Variants in CCDC171 observed in about 807,000 individuals in gnomAD.
The protein encoded by CCDC171 is coiled-coil domain containing 171.
CCDC171 carries 177 observed loss-of-function variants against 168.2 expected under a neutral mutation model. The observed-to-expected ratio is 1.05, with a 90% CI of 0.93 to 1.19. The LOEUF is 1.19. CCDC171 is among the 50% of genes most tolerant of loss of function. The pLI is 0.00. For synonymous variants in CCDC171, 687 were observed against 540.8 expected, an observed-to-expected ratio of 1.27 and a Z score of -3.75; for missense variants, 1,991 against 1,539.0, an observed-to-expected ratio of 1.29 and a Z score of -4.91.
intron 7 of CCDC171, among the ~76,000 whole-genome samples, chr9:15,652,584 C>G (rs1294767622): frequency 6.6e-6 from 1 of 152,050 alleles, no homozygotes; most frequent in East Asian, 1.9e-4. Flanking sequence ...GTGGCCACCA[C>G]CACACTTGGC....
At chr9:15,607,848 G>T (rs139288001) in intron 6 of CCDC171, among the ~76,000 whole-genome samples, 1 of 152,070 alleles carries the variant, frequency 6.6e-6, no homozygotes, top group Non-Finnish European at 1.5e-5. Context: ...TATCTTGTGC[G>T]TGTGCCATAA....
chr9:15,780,981 G>A (rs1399658642), intron 20 of CCDC171, among the ~76,000 whole-genome samples: 2 of 152,096 alleles, frequency 1.3e-5, no homozygotes, highest in South Asian at 2.1e-4. Context: ...CATAGAAATA[G>A]TTGAATTTGG....
intron 1 of CCDC171, among the ~76,000 whole-genome samples, chr9:16,060,030 A>C (rs918478610): frequency 2.6e-5 from 4 of 152,218 alleles, no homozygotes; most frequent in African/African-American, 9.6e-5. Flanking sequence ...AAAACAAATA[A>C]AAAGCAACTG....
At chr9:15,581,577 A>G (rs2131285823) in intron 4 of CCDC171, among the ~76,000 whole-genome samples, 2 of 152,318 alleles carry the variant, frequency 1.3e-5, no homozygotes, top group African/African-American at 2.4e-5. Context: ...TGATACCAAA[A>G]CAGATATATA....
intron 1 of CCDC171, among the ~76,000 whole-genome samples, chr9:16,057,415 G>T (rs1451995541): frequency 2.0e-5 from 3 of 152,294 alleles, no homozygotes; most frequent in Non-Finnish European, 2.9e-5. Context: ...GCTGGTTTTG[G>T]TTAAGTTCTT....
chr9:15,765,874 C>T (rs1173578881), intron 18 of CCDC171, among the ~76,000 whole-genome samples: 2 of 152,078 alleles, frequency 1.3e-5, no homozygotes, highest in East Asian at 3.9e-4. Flanking sequence ...TGTGTTTTTG[C>T]ATATTTTGTG....
At chr9:15,742,077 C>CTT (rs5896677) in intron 16 of CCDC171, among the ~76,000 whole-genome samples, 2 of 151,694 alleles carry the variant, frequency 1.3e-5, no homozygotes, top group East Asian at 3.9e-4. Flanking sequence ...CTGTAATTTT[C>CTT]TTTTTTTTCT....
At chr9:15,726,378 A>T (rs546356447) in intron 14 of CCDC171, among the ~76,000 whole-genome samples, 1 of 152,216 alleles carries the variant, frequency 6.6e-6, no homozygotes, top group Admixed American at 6.5e-5. Context: ...TAGCGACACA[A>T]TGAATTATCC....
At chr9:15,627,071 C>G (rs1437661822) in intron 7 of CCDC171, among the ~76,000 whole-genome samples, 2 of 152,272 alleles carry the variant, frequency 1.3e-5, no homozygotes, top group South Asian at 2.1e-4. Context: ...AGGAATTTAT[C>G]CATTTCTTCT....
intron 14 of CCDC171, among the ~76,000 whole-genome samples, chr9:15,726,622 T>C (rs890587947): frequency 5.3e-5 from 8 of 152,192 alleles, no homozygotes; most frequent in Non-Finnish European, 1.0e-4. Flanking sequence ...ATTTTTAAAT[T>C]ATTACATTTG....
intron 23 of CCDC171, among the ~76,000 whole-genome samples, chr9:15,868,100 C>T (rs1268605445): frequency 6.6e-6 from 1 of 152,054 alleles, no homozygotes; most frequent in East Asian, 1.9e-4. Context: ...TGGGATGTAA[C>T]TATAATGTGT....
chr9:16,049,617 G>T lies in CCDC171; in HGVS notation n.89+6731G>T, dbSNP rs542027695. 1.1e-3 allele frequency among the ~76,000 whole-genome samples: 166 copies of T among 152,254 alleles called. 1 individual carries two copies. Among genetic ancestry groups the T allele is most frequent in the African/African-American group, 3.9e-3 (161 of 41,552 alleles). ...CACCAGCAGCACCCTGGGTCCTGAG[G>T]CTTTTGACCTTGGACTGAGAGATAC... On this transcript the variant is annotated intron_variant and non_coding_transcript_variant, in intron 1 of 1. Transcript: ENST00000478913.
chr9:15,974,470 A>G (rs993217784), downstream of CCDC171, among the ~76,000 whole-genome samples: 1 of 152,198 alleles, frequency 6.6e-6, no homozygotes, highest in South Asian at 2.1e-4. Flanking sequence ...ATTTTTGTAG[A>G]GGAAAGGAAG....
At chr9:15,564,862 A>G (rs1440261163) in intron 2 of CCDC171, among the ~76,000 whole-genome samples, 1 of 152,234 alleles carries the variant, frequency 6.6e-6, no homozygotes, top group Non-Finnish European at 1.5e-5. Context: ...TTGGGGTTGT[A>G]TTCTGTCTGT....
At chr9:16,055,841 A>G (rs973947851) in intron 1 of CCDC171, among the ~76,000 whole-genome samples, 1 of 152,270 alleles carries the variant, frequency 6.6e-6, no homozygotes, top group Non-Finnish European at 1.5e-5. Flanking sequence ...GAACTATTGC[A>G]GAATGCAGTA....
At position 15,815,480 on chromosome 9, in the gene CCDC171, T is replaced by C. The variant is rs190872539; in HGVS notation, c.3267+30786T>C. Among the ~76,000 whole-genome samples, 13 of 112,614 alleles carry C rather than the reference T, an allele frequency of 1.2e-4. 1 individual carries two copies. Among genetic ancestry groups the C allele is most frequent in the Admixed American group, 1.1e-3 (13 of 11,754 alleles). 73.9% of individuals were successfully genotyped at this position (112,614 alleles called of 152,430 possible). ...AAAATTTCAAATGGAGTAATCATTA[T>C]ACTAATTCTGGCAGAGGGTAACATT... On this transcript the variant is annotated intron_variant, in intron 21 of 25. Transcript: ENST00000380701.
intron 7 of CCDC171, among the ~76,000 whole-genome samples, chr9:15,635,778 A>G (rs775122522): frequency 1.4e-4 from 21 of 152,144 alleles, no homozygotes; most frequent in Non-Finnish European, 1.9e-4. Flanking sequence ...TTGTGTGGAT[A>G]TGTTTTCAGT....
intron 1 of CCDC171, among the ~76,000 whole-genome samples, chr9:15,560,597 T>C (rs572956607): frequency 1.3e-5 from 2 of 152,328 alleles, no homozygotes; most frequent in East Asian, 3.9e-4. Flanking sequence ...CAGGGATTTC[T>C]CTACACTGTT....
At position 15,883,488 on chromosome 9, in the gene CCDC171, A is replaced by C. The variant is rs1394579380; in HGVS notation, c.3600+8825A>C. Reference sequence around the variant, plus strand: ...CTGATAGGTAGAAGGAGTTCTATAAAGTTTTCTTTTTAATACTAGCAGATG... The same window carrying C: ...CTGATAGGTAGAAGGAGTTCTATAACGTTTTCTTTTTAATACTAGCAGATG... On this transcript the variant is annotated intron_variant, in intron 24 of 25. Coordinates refer to ENST00000380701, the MANE Select transcript of CCDC171 (RefSeq NM_173550.4). Among the ~76,000 whole-genome samples the C allele has an allele frequency of 2.0e-5, 3 of 152,086 alleles. No individual in the cohort carries two copies. In the East Asian group the frequency reaches 5.8e-4, roughly 29 times the overall value.
Sources: gnomAD v4.1 joint callset for allele counts (sites outside exome capture counted in the v4.1 genomes callset) on GRCh38, gnomAD v4.1.1 for gene constraint, MANE v1.5 for transcripts, NCBI Gene and HGNC (gene_info 2026-07-23, HGNC 2026-07-21) for gene names.